FAM169A: variants seen among roughly 807,000 people sequenced by gnomAD.
FAM169A encodes family with sequence similarity 169 member A.
Under a neutral mutation model 75.7 loss-of-function variants are expected in FAM169A, and 24 were observed. The observed-to-expected ratio is 0.32, with a 90% CI of 0.23 to 0.45. The LOEUF (loss-of-function observed/expected upper bound fraction) is 0.45, where lower values mean the gene tolerates loss of function less well. FAM169A is among the 20% of genes least tolerant of loss of function. The pLI is 1.00. For missense variants in FAM169A, 673 were observed against 784.0 expected, an observed-to-expected ratio of 0.86 and a Z score of 1.69; for synonymous variants, 271 against 271.0, an observed-to-expected ratio of 1.00 and a Z score of 0.00.
At chr5:74,796,379 C>A (rs1446103094) in intron 10 of FAM169A, among the ~76,000 whole-genome samples, 193 bp from the exon 11 acceptor site, 4 of 151,786 alleles carry the variant, frequency 2.6e-5, no homozygotes, top group Non-Finnish European at 5.9e-5. Flanking sequence ...CTAGACCCTT[C>A]TTCTTTTATT....
chr5:74,799,460 T>C (rs1227952490), intron 10 of FAM169A: 1 of 1,611,966 alleles, frequency 6.2e-7, no homozygotes, highest in Non-Finnish European at 8.5e-7. Context: ...AACAATGTTT[T>C]GCTGGCAGCA....
At chr5:74,866,896 A>C, upstream of FAM169A, 3 of 985,528 alleles carry the variant, frequency 3.0e-6, no homozygotes, top group Non-Finnish European at 3.6e-6. Context: ...CCTCCGCCCC[A>C]CCACTTTCAT....
intron 11 of FAM169A, among the ~76,000 whole-genome samples, chr5:74,788,095 G>A (rs1745786725): frequency 6.6e-6 from 1 of 152,174 alleles, no homozygotes; most frequent in Non-Finnish European, 1.5e-5. Flanking sequence ...AGACATTTCA[G>A]GGACTACTGG....
At chr5:74,861,081 G>C (rs1023044111) in intron 1 of FAM169A, among the ~76,000 whole-genome samples, 1 of 152,192 alleles carries the variant, frequency 6.6e-6, no homozygotes, top group African/African-American at 2.4e-5. Context: ...ACCTTGCGGT[G>C]AGCTGAGATT....
intron 1 of FAM169A, among the ~76,000 whole-genome samples, chr5:74,846,030 T>C (rs1048106299): frequency 1.3e-5 from 2 of 152,190 alleles, no homozygotes; most frequent in African/African-American, 4.8e-5. Flanking sequence ...TGGATAGAAG[T>C]AGTATGACTA....
intron 6 of FAM169A, among the ~76,000 whole-genome samples, chr5:74,807,282 C>A (rs1186253694): frequency 6.6e-6 from 1 of 152,148 alleles, no homozygotes; most frequent in Admixed American, 6.5e-5. Context: ...TATAGCCGGG[C>A]AAAATCATCT....
At chr5:74,832,294 CA>C (rs1303041593) in intron 5 of FAM169A, among the ~76,000 whole-genome samples, 1 of 151,610 alleles carries the variant, frequency 6.6e-6, no homozygotes, top group East Asian at 1.9e-4. Flanking sequence ...CTACCTAACC[CA>C]AAAAACAAAC....
At chr5:74,847,303 A>G (rs1398237677) in intron 1 of FAM169A, among the ~76,000 whole-genome samples, 2 of 93,918 alleles carry the variant, frequency 2.1e-5, no homozygotes, top group Admixed American at 1.4e-4. Context: ...CCTTCCCCCC[A>G]CCACCCCCTG....
Position 74,781,382 on chromosome 5 carries a change from C to A in FAM169A, c.*78G>T. The A allele has an allele frequency of 7.2e-7, 1 of 1,388,534 alleles. No homozygotes were observed. Among genetic ancestry groups the A allele is most frequent in the East Asian group, 2.3e-5 (1 of 43,546 alleles). The allele number at this position is 1,388,534 out of a possible 1,614,324, so 86.0% of individuals were successfully genotyped here. Reference sequence around the variant, plus strand: ...GGAAATTTTTGTCCTGTGCCCCATGCTGTTTATTAATTACCATATTTTAAA... The same window carrying A: ...GGAAATTTTTGTCCTGTGCCCCATGATGTTTATTAATTACCATATTTTAAA... On this transcript the variant is annotated 3_prime_UTR_variant, in exon 13 of 13. Transcript: ENST00000687041.
intron 5 of FAM169A, among the ~76,000 whole-genome samples, chr5:74,816,277 A>G (rs1747464893): frequency 6.6e-6 from 1 of 152,220 alleles, no homozygotes; most frequent in Admixed American, 6.5e-5. Context: ...CTAGTTCTCA[A>G]TACAAAGTCT....
intron 1 of FAM169A, among the ~76,000 whole-genome samples, chr5:74,857,040 C>T (rs1362538541): frequency 1.4e-5 from 2 of 144,386 alleles, no homozygotes; most frequent in African/African-American, 5.1e-5. Flanking sequence ...ATCCCGGAGC[C>T]GGAGGTTGCA....
chr5:74,778,847 C>T lies in FAM169A; in HGVS notation c.*2613G>A, dbSNP rs1013382193. Reference sequence around the variant, plus strand: ...TGTGACTGGACATTCAACAACTAGACTAGCCGGTTGAAATCACATTTTCAG... The same window carrying T: ...TGTGACTGGACATTCAACAACTAGATTAGCCGGTTGAAATCACATTTTCAG... On this transcript the variant is annotated 3_prime_UTR_variant, in exon 13 of 13. Transcript: ENST00000687041. The T allele has an allele frequency of 1.5e-4, 23 of 152,202 alleles. No individual in the cohort carries two copies. The highest frequency in any genetic ancestry group is 5.3e-4 in the African/African-American group (22 of 41,578). 9.4% of individuals were successfully genotyped at this position (152,202 alleles called of 1,614,324 possible). A position where few individuals can be genotyped will look rare whatever the true frequency, so the allele number is the denominator to read the frequency against.
In FAM169A at chr5:74,800,900, T is replaced by C. The variant is rs1483982231; in HGVS notation, c.1083A>G (p.Ser361=). The change falls in exon 10 of 13, where the codon TCA becomes TCG. Residue 361 remains serine (S), a synonymous_variant. Coordinates refer to ENST00000687041, the MANE Select transcript of FAM169A (RefSeq NM_001376049.1). Reference sequence around the variant, plus strand: ...TTTACTTGTTTATTGAAGCTGTAAGTGAAGTCTGGGAGGTCTTTTCATCTT... The same window carrying C: ...TTTACTTGTTTATTGAAGCTGTAAGCGAAGTCTGGGAGGTCTTTTCATCTT... ...QGEDEKTSQT[S]LTASINKLES... The C allele has an allele frequency of 1.4e-6, 2 of 1,454,046 alleles. No homozygotes were observed. The highest frequency in any genetic ancestry group is 1.4e-5 in the African/African-American group (1 of 69,526). 90.1% of individuals were successfully genotyped at this position (1,454,046 alleles called of 1,614,324 possible).
chr5:74,846,499 T>C (rs1342872390), intron 1 of FAM169A, among the ~76,000 whole-genome samples: 2 of 152,234 alleles, frequency 1.3e-5, no homozygotes, highest in Non-Finnish European at 2.9e-5. Context: ...CTATGGTTCT[T>C]AGAAGATTTT....
At chr5:74,833,851 G>GTTTTACTATTTTTTA in intron 5 of FAM169A, among the ~76,000 whole-genome samples, 1 of 152,188 alleles carries the variant, frequency 6.6e-6, no homozygotes, top group South Asian at 2.1e-4. Flanking sequence ...AAGCAGGTAT[G>GTTTTACTATTTTTTA]AGGTTGCACT....
intron 5 of FAM169A, among the ~76,000 whole-genome samples, chr5:74,829,359 C>T (rs569563107): frequency 7.9e-5 from 12 of 152,260 alleles, no homozygotes; most frequent in Admixed American, 2.6e-4. Flanking sequence ...GTGGATTTAG[C>T]ATCTATGGTT....
At chr5:74,851,368 G>A (rs943282833) in intron 1 of FAM169A, among the ~76,000 whole-genome samples, 1 of 152,142 alleles carries the variant, frequency 6.6e-6, no homozygotes, top group Non-Finnish European at 1.5e-5. Context: ...GTTCCACCCT[G>A]GGGAGCCAAA....
chr5:74,786,979 G>A (rs61547995), intron 11 of FAM169A, among the ~76,000 whole-genome samples: 3,643 of 152,178 alleles, frequency 0.024, 143 homozygotes, highest in African/African-American at 0.084. Context: ...GCCATCCCCA[G>A]TAGTGGTAAC....
chr5:74,843,332 A>G (rs985689375), intron 1 of FAM169A, among the ~76,000 whole-genome samples: 1 of 152,224 alleles, frequency 6.6e-6, no homozygotes, highest in African/African-American at 2.4e-5. Context: ...AATACCTTTA[A>G]GGTTTTATTT....
Sources: allele counts gnomAD v4.1 joint callset (sites outside exome capture counted in the v4.1 genomes callset), GRCh38; gene constraint gnomAD v4.1.1; transcripts MANE v1.5; gene names NCBI Gene and HGNC (gene_info 2026-07-23, HGNC 2026-07-21).